The following HIKESHI variants were observed in gnomAD, a reference collection of about 807,000 sequenced individuals.
HIKESHI encodes the protein heat shock protein nuclear import factor hikeshi.
A neutral mutation model predicts 25.7 loss-of-function variants in HIKESHI; 13 were observed. The observed-to-expected ratio is 0.51, with a 90% CI of 0.33 to 0.80. The LOEUF is 0.80. HIKESHI is among the 30% of genes least tolerant of loss of function. The pLI, the probability that HIKESHI is intolerant of heterozygous loss-of-function variation, is 0.02. For synonymous variants in HIKESHI, 76 were observed against 78.7 expected, an observed-to-expected ratio of 0.97 and a Z score of 0.18; for missense variants, 174 against 229.5, an observed-to-expected ratio of 0.76 and a Z score of 1.56.
chr11:86,338,164 T>C (rs1565742071), intron 3 of HIKESHI, among the ~76,000 whole-genome samples: 1 of 152,198 alleles, frequency 6.6e-6, no homozygotes, highest in South Asian at 2.1e-4. Context: ...TTGACCAACA[T>C]GTCCTCATTT....
In HIKESHI at chr11:86,305,205, G is replaced by A. The variant is rs566209771; in HGVS notation, c.31-1040G>A. ...TGTAGAGATCGGATTTTGCCATGTTGCCCTGGCTGGTCTTGAACTCCTGAG... is the reference window on the plus strand; with the variant it reads ...TGTAGAGATCGGATTTTGCCATGTTACCCTGGCTGGTCTTGAACTCCTGAG... On this transcript the variant is annotated intron_variant, in intron 1 of 4. Transcript: ENST00000278483. Among the ~76,000 whole-genome samples the A allele has an allele frequency of 2.0e-5, 3 of 151,744 alleles. No individual in the cohort carries two copies. The South Asian group carries it at 6.2e-4, about 32-fold the overall frequency.
At chr11:86,337,239 C>T (rs1947588900) in intron 2 of HIKESHI, 140 bp from the exon 3 acceptor site, 2 of 736,268 alleles carry the variant, frequency 2.7e-6, no homozygotes, top group East Asian at 5.5e-5. Flanking sequence ...TAGGCTTTTG[C>T]ATTTATCTGA....
intron 2 of HIKESHI, among the ~76,000 whole-genome samples, chr11:86,332,294 T>C (rs550601757): frequency 6.6e-6 from 1 of 152,240 alleles, no homozygotes; most frequent in East Asian, 1.9e-4. Context: ...CTCATCTCTT[T>C]GCTGCTATGC....
chr11:86,323,657 A>G (rs1202943087), intron 2 of HIKESHI, among the ~76,000 whole-genome samples: 2 of 152,264 alleles, frequency 1.3e-5, no homozygotes, highest in Non-Finnish European at 2.9e-5. Flanking sequence ...CTTAGGGAAC[A>G]GTGAAAATGT....
rs1947335413 is a variant in HIKESHI, at chr11:86,328,284, A to C, written c.269-9095A>C. Reference sequence around the variant, plus strand: ...TCTTTTCTTTTTTTTTTTGAGATGGAGTCTCACTTTGTCACCCAGACTGGA... The same window carrying C: ...TCTTTTCTTTTTTTTTTTGAGATGGCGTCTCACTTTGTCACCCAGACTGGA... On this transcript the variant is annotated intron_variant, in intron 2 of 4. Coordinates refer to ENST00000278483, the MANE Select transcript of HIKESHI (RefSeq NM_016401.4). Among the ~76,000 whole-genome samples the C allele has an allele frequency of 1.3e-5, 2 of 151,422 alleles. 1 individual carries two copies. The highest frequency in any genetic ancestry group is 4.2e-4 in the South Asian group (2 of 4,814).
intron 2 of HIKESHI, chr11:86,324,063 A>C (rs1947212944): frequency 6.6e-6 from 1 of 152,120 alleles, no homozygotes; most frequent in Non-Finnish European, 1.5e-5. Context: ...GGCTATATAC[A>C]GATATGATCC....
chr11:86,306,181 A>T (rs574597395), intron 1 of HIKESHI, 64 bp from the exon 2 acceptor site: 10 of 1,021,148 alleles, frequency 9.8e-6, no homozygotes, highest in South Asian at 4.4e-5. Context: ...CTTATAAATG[A>T]TACTGTTAAG....
At chr11:86,335,872 CA>C (rs1317754157) in intron 2 of HIKESHI, among the ~76,000 whole-genome samples, 1 of 152,084 alleles carries the variant, frequency 6.6e-6, no homozygotes, top group Non-Finnish European at 1.5e-5. Context: ...CAGTTTTCTA[CA>C]AAAAATTATG....
chr11:86,336,336 T>A (rs1565740666), intron 2 of HIKESHI, among the ~76,000 whole-genome samples: 1 of 152,208 alleles, frequency 6.6e-6, no homozygotes, highest in Non-Finnish European at 1.5e-5. Flanking sequence ...TGTCTTTTTA[T>A]ATGATGAGGT....
intron 2 of HIKESHI, among the ~76,000 whole-genome samples, chr11:86,319,243 T>TA (rs1491256643): frequency 0.042 from 1,533 of 36,362 alleles, 9 homozygotes; most frequent in African/African-American, 0.067. Context: ...TATATATATA[T>TA]TTTTTTTTTT....
chr11:86,316,100 C>T (rs1022809087), intron 2 of HIKESHI, among the ~76,000 whole-genome samples: 8 of 120,784 alleles, frequency 6.6e-5, no homozygotes, highest in Non-Finnish European at 1.1e-4. Flanking sequence ...GGCAACATAG[C>T]AAGACTGTCT....
chr11:86,327,306 T>C (rs1947307025), intron 2 of HIKESHI, among the ~76,000 whole-genome samples: 1 of 152,016 alleles, frequency 6.6e-6, no homozygotes, highest in Non-Finnish European at 1.5e-5. Flanking sequence ...AATAAGCCTC[T>C]GGTTTTCCTT....
intron 2 of HIKESHI, among the ~76,000 whole-genome samples, chr11:86,317,150 T>C (rs1236858765): frequency 6.6e-6 from 1 of 152,068 alleles, no homozygotes; most frequent in Non-Finnish European, 1.5e-5. Flanking sequence ...AGTATATGAA[T>C]TTTAAGAAAA....
At chr11:86,335,837 G>C (rs973661338) in intron 2 of HIKESHI, among the ~76,000 whole-genome samples, 1 of 152,106 alleles carries the variant, frequency 6.6e-6, no homozygotes, top group East Asian at 1.9e-4. Context: ...TTATAGCGTC[G>C]TCACATTGTA....
intron 2 of HIKESHI, among the ~76,000 whole-genome samples, chr11:86,308,472 T>C (rs915351715): frequency 6.7e-6 from 1 of 148,410 alleles, no homozygotes; most frequent in African/African-American, 2.5e-5. Flanking sequence ...AGTACTTATT[T>C]TCTTCCGTTA....
intron 2 of HIKESHI, among the ~76,000 whole-genome samples, chr11:86,308,823 G>T (rs1375402561): frequency 6.6e-6 from 1 of 151,864 alleles, no homozygotes; most frequent in Non-Finnish European, 1.5e-5. Context: ...TGCAGTGTTT[G>T]GTTTTCTGTC....
intron 3 of HIKESHI, among the ~76,000 whole-genome samples, chr11:86,339,212 A>AAT (rs1565742696): frequency 6.6e-6 from 1 of 151,652 alleles, no homozygotes; most frequent in African/African-American, 2.4e-5. Context: ...GGCCCAGCTA[A>AAT]TTTTTTTTGT....
chr11:86,344,478 A>G, intron 3 of HIKESHI, 125 bp from the exon 4 acceptor site: 2 of 595,528 alleles, frequency 3.4e-6, no homozygotes, highest in Non-Finnish European at 5.6e-6. Flanking sequence ...AGCTTTCAGC[A>G]TTAGACTCTC....
At position 86,326,396 on chromosome 11, in the gene HIKESHI, T is replaced by C. The variant is rs951680569; in HGVS notation, c.269-10983T>C. 2.1e-5 allele frequency: 9 copies of C among 437,806 alleles called. No individual in the cohort carries two copies. The East Asian group carries it at 5.6e-4, about 27-fold the overall frequency. 27.1% of individuals were successfully genotyped at this position (437,806 alleles called of 1,614,324 possible). A position where few individuals can be genotyped will look rare whatever the true frequency, so the allele number is the denominator to read the frequency against. Reference sequence around the variant, plus strand: ...AAGGTCTTTTGTTATATTATGTAATTATCCATTTACATTGTGAAAGCTTGG... The same window carrying C: ...AAGGTCTTTTGTTATATTATGTAATCATCCATTTACATTGTGAAAGCTTGG... On this transcript the variant is annotated intron_variant, in intron 2 of 4. Coordinates refer to ENST00000278483, the MANE Select transcript of HIKESHI (RefSeq NM_016401.4).
Sources: gnomAD v4.1 joint callset for allele counts (sites outside exome capture counted in the v4.1 genomes callset) on GRCh38, gnomAD v4.1.1 for gene constraint, MANE v1.5 for transcripts, NCBI Gene and HGNC (gene_info 2026-07-23, HGNC 2026-07-21) for gene names.